The following CLOCK variants were observed in gnomAD, a reference collection of about 807,000 sequenced individuals.
CLOCK encodes circadian locomoter output cycles protein kaput.
In CLOCK, 43 loss-of-function variants were observed where a neutral mutation model predicts 118.4. That is an observed-to-expected ratio of 0.36 (90% CI 0.28 to 0.47). The LOEUF is 0.47. Ranked by LOEUF, CLOCK falls within the 20% of genes least tolerant of loss-of-function variation. The pLI, the probability that CLOCK is intolerant of heterozygous loss-of-function variation, is 1.00. For synonymous variants in CLOCK, 326 were observed against 339.2 expected (o/e 0.96, Z 0.43); for missense variants, 846 against 999.9 (o/e 0.85, Z 2.08).
At chr4:55,486,233 T>G (rs1727288018) in intron 3 of CLOCK, among the ~76,000 whole-genome samples, 1 of 152,204 alleles carries the variant, frequency 6.6e-6, no homozygotes, top group African/African-American at 2.4e-5. Flanking sequence ...TTTACCTAGT[T>G]TTGTTTATAC....
chr4:55,480,449 A>G (rs1280372560), intron 4 of CLOCK, among the ~76,000 whole-genome samples: 2 of 152,072 alleles, frequency 1.3e-5, no homozygotes, highest in Non-Finnish European at 2.9e-5. Flanking sequence ...ATATTTTTGT[A>G]GAGATGGGGT....
At chr4:55,537,225 G>C (rs1242359018) in intron 1 of CLOCK, among the ~76,000 whole-genome samples, 3 of 152,154 alleles carry the variant, frequency 2.0e-5, no homozygotes, top group African/African-American at 7.2e-5. Context: ...GCTCACATCT[G>C]TATCCCAGCA....
At chr4:55,449,315 T>G in intron 17 of CLOCK, 81 bp downstream of exon 17, 1 of 1,263,500 alleles carries the variant, frequency 7.9e-7, no homozygotes, top group Non-Finnish European at 1.2e-6. Flanking sequence ...GGGTGACAAA[T>G]AGATGAATTT....
intron 1 of CLOCK, among the ~76,000 whole-genome samples, chr4:55,542,343 CAAA>C (rs368588123): frequency 0.46 from 44,134 of 95,126 alleles, 7,733 homozygotes; most frequent in East Asian, 0.65. Context: ...GACTCTGTCT[CAAA>C]TAATAATAAT....
chr4:55,515,894 T>C (rs1323000223), intron 1 of CLOCK, among the ~76,000 whole-genome samples: 1 of 152,224 alleles, frequency 6.6e-6, no homozygotes, highest in Non-Finnish European at 1.5e-5. Context: ...AAAACATTTT[T>C]AGATTTCTCT....
chr4:55,540,907 T>G (rs1731229295), intron 1 of CLOCK: 1 of 152,194 alleles, frequency 6.6e-6, no homozygotes, highest in Admixed American at 6.5e-5. Flanking sequence ...AAAAGAAACT[T>G]AATCGTCGTC....
In CLOCK at chr4:55,476,166, T is replaced by G. The variant is rs1726498005; in HGVS notation, c.257-112A>C. 4.2e-6 allele frequency: 3 copies of G among 722,048 alleles called. No homozygotes were observed. The South Asian group carries it at 4.5e-5, about 11-fold the overall frequency. 44.7% of individuals were successfully genotyped at this position (722,048 alleles called of 1,614,324 possible). A position where few individuals can be genotyped will look rare whatever the true frequency, so the allele number is the denominator to read the frequency against. ...TAATTAAAGATGACAACCGTAGGCA[T>G]TAACATTTATTGGGTAGATATCAAG... is the stretch of plus-strand genomic sequence containing the variant. On this transcript the variant is annotated intron_variant, in intron 6 of 22. Transcript: ENST00000513440.
At chr4:55,486,781 T>C (rs575437566) in intron 3 of CLOCK, among the ~76,000 whole-genome samples, 2 of 152,304 alleles carry the variant, frequency 1.3e-5, no homozygotes, top group South Asian at 4.1e-4. Context: ...TATTTCACTC[T>C]GGAAACTCCC....
chr4:55,520,792 C>T (rs534233406), intron 1 of CLOCK, among the ~76,000 whole-genome samples: 1 of 152,284 alleles, frequency 6.6e-6, no homozygotes, highest in Admixed American at 6.5e-5. Flanking sequence ...TTCCTCCTCC[C>T]ATCCCCTGCC....
intron 15 of CLOCK, 51 bp downstream of exon 15, chr4:55,453,003 T>C: frequency 7.7e-7 from 1 of 1,303,840 alleles, no homozygotes; most frequent in Admixed American, 1.9e-5. Context: ...GAGTTTCATC[T>C]TTTATTGGGG....
intron 4 of CLOCK, 140 bp from the exon 5 acceptor site, chr4:55,479,839 T>TC: frequency 7.5e-6 from 5 of 669,994 alleles, no homozygotes; most frequent in South Asian, 3.5e-5. Flanking sequence ...CTAACCTATT[T>TC]CCTAGTAAAC....
intron 6 of CLOCK, among the ~76,000 whole-genome samples, chr4:55,477,333 G>A (rs1726582951): frequency 6.6e-6 from 1 of 152,050 alleles, no homozygotes; most frequent in African/African-American, 2.4e-5. Flanking sequence ...TTCAATGAGT[G>A]TGCCATTTAA....
At chr4:55,486,469 T>C (rs1727303169) in intron 3 of CLOCK, 1 of 152,216 alleles carries the variant, frequency 6.6e-6, no homozygotes, top group Non-Finnish European at 1.5e-5. Flanking sequence ...TTAGGTCATA[T>C]TCCCTGTTAC....
intron 1 of CLOCK, among the ~76,000 whole-genome samples, chr4:55,521,385 A>C (rs1010836802): frequency 6.6e-6 from 1 of 152,126 alleles, no homozygotes; most frequent in East Asian, 1.9e-4. Context: ...CGCCTGGCTA[A>C]TTTTTTGTAT....
intron 1 of CLOCK, among the ~76,000 whole-genome samples, chr4:55,528,708 T>G (rs571312039): frequency 1.3e-5 from 2 of 152,324 alleles, no homozygotes; most frequent in African/African-American, 4.8e-5. Context: ...AGTCAATCTT[T>G]CAGAGATTCT....
chr4:55,491,288 C>A (rs569454834), intron 2 of CLOCK, among the ~76,000 whole-genome samples: 7 of 120,638 alleles, frequency 5.8e-5, no homozygotes, highest in African/African-American at 2.1e-4. Flanking sequence ...CAACTTTATA[C>A]CTCAAAGAAC....
rs534483496 is a variant in CLOCK at position 55,433,437 on chromosome 4, C to A, written c.*1978G>T. On this transcript the variant is annotated 3_prime_UTR_variant, in exon 23 of 23. Transcript: ENST00000513440. ...TTTCTGCAGAAAGACAAAGTATATG[C>A]CTTAAGGATAACAGCAAAGCAGAGG... The A allele has an allele frequency of 6.6e-5, 10 of 152,546 alleles. No individual in the cohort carries two copies. The highest frequency in any genetic ancestry group is 2.4e-4 in the African/African-American group (10 of 41,534). 9.4% of individuals were successfully genotyped at this position (152,546 alleles called of 1,614,324 possible).
Position 55,430,842 on chromosome 4 carries a change from T to G in CLOCK, c.*4573A>C, listed in dbSNP as rs904824077. On this transcript the variant is annotated 3_prime_UTR_variant, in exon 23 of 23. Transcript: ENST00000513440. ...TTGGTCTCTTTTGGTGTCCACACAATAGGCAAGATAGGTTTACAATAGTGT... is the reference window on the plus strand; with the variant it reads ...TTGGTCTCTTTTGGTGTCCACACAAGAGGCAAGATAGGTTTACAATAGTGT... 1.3e-5 allele frequency: 2 copies of G among 152,182 alleles called. No homozygotes were observed. Among genetic ancestry groups the G allele is most frequent in the Non-Finnish European group, 2.9e-5 (2 of 68,008 alleles). 9.4% of individuals were successfully genotyped at this position (152,182 alleles called of 1,614,324 possible).
intron 1 of CLOCK, among the ~76,000 whole-genome samples, chr4:55,543,910 A>T (rs958919168): frequency 6.6e-6 from 1 of 152,234 alleles, no homozygotes; most frequent in African/African-American, 2.4e-5. Flanking sequence ...CAGAAATAAT[A>T]TAAGTATCCT....
Sources: allele counts gnomAD v4.1 joint callset (sites outside exome capture counted in the v4.1 genomes callset), GRCh38; gene constraint gnomAD v4.1.1; transcripts MANE v1.5; gene names NCBI Gene and HGNC (gene_info 2026-07-23, HGNC 2026-07-21).